SEM1: variants seen among roughly 807,000 people sequenced by gnomAD.
SEM1 encodes the protein SEM1 26S proteasome subunit.
SEM1 carries 3 observed loss-of-function variants against 12.7 expected under a neutral mutation model. That is an observed-to-expected ratio of 0.24 (90% CI 0.11 to 0.61). The LOEUF (loss-of-function observed/expected upper bound fraction) is 0.61. SEM1 is among the 20% of genes least tolerant of loss of function. The pLI is 0.88. For synonymous variants in SEM1, 30 were observed against 27.8 expected (o/e 1.08, Z -0.25); for missense variants, 59 against 81.3 (o/e 0.73, Z 1.06).
At chr7:96,692,086 T>C (rs1328007488) in intron 2 of SEM1, among the ~76,000 whole-genome samples, 1 of 152,020 alleles carries the variant, frequency 6.6e-6, no homozygotes, top group Non-Finnish European at 1.5e-5. Flanking sequence ...AACACAAGAG[T>C]ACATAATGGC....
rs567594262 is a variant in SEM1 at position 96,709,022 on chromosome 7, C to T, written c.76+666G>A. Among the ~76,000 whole-genome samples, 25 of 152,060 alleles carry T rather than the reference C, an allele frequency of 1.6e-4. No individual in the cohort carries two copies. The East Asian group carries it at 4.3e-3, about 26-fold the overall frequency. On this transcript the variant is annotated intron_variant, in intron 1 of 2. Transcript: ENST00000248566. Reference sequence around the variant, plus strand: ...TAGGGACAGGGTCTCGCTATGTTGCCCAGGCTGGTCTTGAACTCCTGACCT... The same window carrying T: ...TAGGGACAGGGTCTCGCTATGTTGCTCAGGCTGGTCTTGAACTCCTGACCT...
At chr7:96,545,205 C>T (rs549295004) in intron 2 of SEM1, among the ~76,000 whole-genome samples, 2 of 151,970 alleles carry the variant, frequency 1.3e-5, no homozygotes, top group South Asian at 2.1e-4. Flanking sequence ...ACTCCCAGGT[C>T]CTGGGGTTGT....
At chr7:96,558,476 G>A (rs1458738577) in intron 2 of SEM1, among the ~76,000 whole-genome samples, 1 of 152,022 alleles carries the variant, frequency 6.6e-6, no homozygotes, top group Non-Finnish European at 1.5e-5. Flanking sequence ...AGTAAACTTA[G>A]ATCAGTGCAC....
chr7:96,689,102 T>C (rs1789847803), intron 2 of SEM1, 136 bp from the exon 3 acceptor site: 2 of 518,136 alleles, frequency 3.9e-6, no homozygotes, highest in Admixed American at 3.7e-5. Flanking sequence ...GTTTTACTTT[T>C]GTCTCTGAAA....
chr7:96,573,119 T>G (rs915385517), intron 2 of SEM1, among the ~76,000 whole-genome samples: 2 of 152,018 alleles, frequency 1.3e-5, no homozygotes, highest in Non-Finnish European at 2.9e-5. Context: ...GTTTTTTTTT[T>G]TTTTTCTTTC....
chr7:96,498,314 T>C (rs530239387), upstream of SEM1, among the ~76,000 whole-genome samples: 182 of 152,298 alleles, frequency 1.2e-3, no homozygotes, highest in African/African-American at 3.9e-3. Flanking sequence ...TTGAAATTCG[T>C]AGAGAATCTC....
intron 2 of SEM1, among the ~76,000 whole-genome samples, chr7:96,633,258 T>C (rs1435363864): frequency 6.6e-6 from 1 of 152,040 alleles, no homozygotes; most frequent in African/African-American, 2.4e-5. Context: ...TAGACATAGC[T>C]TACAGGGAGA....
At chr7:96,574,595 CTGT>C (rs1006896385) in intron 2 of SEM1, among the ~76,000 whole-genome samples, 2 of 152,170 alleles carry the variant, frequency 1.3e-5, no homozygotes, top group African/African-American at 4.8e-5. Flanking sequence ...TCTCCAGCTA[CTGT>C]TGTTTCCTGA....
intron 2 of SEM1, among the ~76,000 whole-genome samples, chr7:96,581,067 T>C (rs1256428371): frequency 1.3e-5 from 2 of 152,222 alleles, no homozygotes; most frequent in Admixed American, 6.5e-5. Flanking sequence ...TGAATGGTAA[T>C]GCGTAGGTTT....
chr7:96,688,652 A>G (rs1319259958), downstream of SEM1: 2 of 247,234 alleles, frequency 8.1e-6, no homozygotes, highest in Non-Finnish European at 1.5e-5. Context: ...TTAAAAAAAA[A>G]AAAGAAAATT....
chr7:96,642,433 T>G (rs1020446320), intron 2 of SEM1, among the ~76,000 whole-genome samples: 1 of 152,072 alleles, frequency 6.6e-6, no homozygotes, highest in African/African-American at 2.4e-5. Flanking sequence ...ATTGCTTTAT[T>G]TTTCTCCAGG....
chr7:96,494,563 A>G (rs1803163099), intron 1 of SEM1, among the ~76,000 whole-genome samples: 2 of 152,206 alleles, frequency 1.3e-5, no homozygotes, highest in Non-Finnish European at 2.9e-5. Context: ...CATGACATCC[A>G]GAAAGTTAAC....
At chr7:96,675,918 T>C (rs996678894) in intron 2 of SEM1, among the ~76,000 whole-genome samples, 2 of 152,214 alleles carry the variant, frequency 1.3e-5, no homozygotes, top group Non-Finnish European at 2.9e-5. Context: ...TCTTAATCTG[T>C]GAACTCCAAT....
At chr7:96,567,454 T>C (rs1034496057) in intron 2 of SEM1, among the ~76,000 whole-genome samples, 35 of 151,544 alleles carry the variant, frequency 2.3e-4, no homozygotes, top group African/African-American at 8.2e-4. Flanking sequence ...TAATCATATA[T>C]GTAAATAATG....
intron 2 of SEM1, among the ~76,000 whole-genome samples, chr7:96,599,775 G>A (rs1242131208): frequency 2.0e-5 from 3 of 152,152 alleles, no homozygotes; most frequent in Non-Finnish European, 4.4e-5. Flanking sequence ...GAAAATAGGT[G>A]CCAGATTCTC....
rs1421596853 is a variant in SEM1, at chr7:96,615,239, A to ATTTTTTTTT, written c.170+79558_170+79559insAAAAAAAAA. On this transcript the variant is annotated intron_variant and NMD_transcript_variant, in intron 2 of 3. Coordinates refer to the SEM1 transcript ENST00000466986. ...GGACTGTTGGGTTATTTTTTGAGTC[A>ATTTTTTTTT]TCTTTTTTTTTTTTTTTTTTTTTTT... Among the ~76,000 whole-genome samples the ATTTTTTTTT allele has an allele frequency of 6.2e-3, 610 of 98,018 alleles. 97 individuals carry two copies. The highest frequency in any genetic ancestry group is 7.4e-3 in the East Asian group (20 of 2,710). The allele number at this position is 98,018 out of a possible 152,430, so 64.3% of individuals were successfully genotyped here.
chr7:96,602,944 ATCAGGATAAAGTAC>A (rs1421779864), intron 2 of SEM1, among the ~76,000 whole-genome samples: 2 of 152,216 alleles, frequency 1.3e-5, no homozygotes, highest in African/African-American at 4.8e-5. Context: ...TGGAGAAACA[ATCAGGATAAAGTAC>A]TCAGCTAAAT....
At chr7:96,657,712 G>A (rs1809224326) in intron 2 of SEM1, among the ~76,000 whole-genome samples, 1 of 152,202 alleles carries the variant, frequency 6.6e-6, no homozygotes, top group Middle Eastern at 3.2e-3. Context: ...CAGGGAAGTT[G>A]AGTCACTCAC....
At chr7:96,696,066 TAGAG>T (rs961573900) in intron 1 of SEM1, 14 of 151,880 alleles carry the variant, frequency 9.2e-5, no homozygotes, top group African/African-American at 2.2e-4. Context: ...TCTTTTAACT[TAGAG>T]AGGGGAAAAA....
Sources: gnomAD v4.1 joint callset for allele counts (sites outside exome capture counted in the v4.1 genomes callset) on GRCh38, gnomAD v4.1.1 for gene constraint, MANE v1.5 for transcripts, NCBI Gene and HGNC (gene_info 2026-07-23, HGNC 2026-07-21) for gene names.